CCDC38: variants seen among roughly 807,000 people sequenced by gnomAD.
CCDC38 encodes the protein coiled-coil domain containing 38.
In CCDC38, 69 loss-of-function variants were observed where a neutral mutation model predicts 72.8. The ratio of observed to expected loss-of-function variants is 0.95; its 90% CI spans 0.78 to 1.16. CCDC38 has a LOEUF of 1.16. Among genes scored for constraint, CCDC38 ranks in the 50% most tolerant of loss-of-function variants. The probability of loss-of-function intolerance (pLI) is 0.00; values close to 1 mark genes in which losing one functional copy is unlikely to be tolerated. For synonymous variants in CCDC38, 201 were observed against 213.2 expected, an observed-to-expected ratio of 0.94 and a Z score of 0.50; for missense variants, 626 against 638.9, an observed-to-expected ratio of 0.98 and a Z score of 0.22.
chr12:95,942,856 C>G (rs746300917), upstream of CCDC38: 1 of 153,004 alleles, frequency 6.5e-6, no homozygotes, highest in Non-Finnish European at 1.5e-5. Context: ...TCCAAGCTCC[C>G]GTCCCTGCCC....
At chr12:95,927,518 G>T (rs2136733758) in intron 2 of CCDC38, among the ~76,000 whole-genome samples, 1 of 151,792 alleles carries the variant, frequency 6.6e-6, no homozygotes, top group African/African-American at 2.4e-5. Context: ...CCTTTTAATT[G>T]AAGCATTTAG....
intron 2 of CCDC38, among the ~76,000 whole-genome samples, chr12:95,923,127 C>T (rs2080227026): frequency 6.6e-6 from 1 of 152,104 alleles, no homozygotes; most frequent in Non-Finnish European, 1.5e-5. Context: ...TTCTCCTATG[C>T]TGAGACTGGA....
At chr12:95,885,407 C>G (rs1229844436) in intron 10 of CCDC38, 1 of 172,536 alleles carries the variant, frequency 5.8e-6, no homozygotes, top group East Asian at 1.4e-4. Flanking sequence ...GATAACAACT[C>G]AGAAATTAAA....
At position 95,917,185 on chromosome 12, in the gene CCDC38, C is replaced by A. The variant is rs912236797; in HGVS notation, c.248G>T (p.Gly83Val). Residue 83 changes from glycine (G) to valine (V), a missense_variant, in exon 4 of 16, where the codon GGT becomes GTT. Physicochemically the swap from Gly to Val is moderately radical, Grantham distance 109. Coordinates refer to ENST00000344280, the MANE Select transcript of CCDC38 (RefSeq NM_182496.3). The stretch of plus-strand genomic sequence containing the variant: ...TGGCCCAAACTTTTCAAATGACCTA[C>A]CACTCCTTTTAGGGTAGAAAGCTAG... ...SQLAFYPKRS[G>V]RSFEKFGPGP... The A allele has an allele frequency of 1.2e-6, 2 of 1,607,376 alleles. No homozygotes were observed. Among genetic ancestry groups the A allele is most frequent in the African/African-American group, 2.7e-5 (2 of 74,514 alleles).
At chr12:95,894,817 A>G (rs776321382) in intron 8 of CCDC38, among the ~76,000 whole-genome samples, 172 bp downstream of exon 8, 1 of 152,220 alleles carries the variant, frequency 6.6e-6, no homozygotes, top group African/African-American at 2.4e-5. Flanking sequence ...AAGACACTTT[A>G]TATCTGAAAT....
chr12:95,890,508 A>C (rs1159956960), intron 9 of CCDC38, among the ~76,000 whole-genome samples: 1 of 152,214 alleles, frequency 6.6e-6, no homozygotes, highest in Non-Finnish European at 1.5e-5. Flanking sequence ...GGACCCTGGG[A>C]GTGGGCCTGC....
chr12:95,903,637 A>G lies in CCDC38; in HGVS notation c.369+2750T>C, dbSNP rs77873988. On this transcript the variant is annotated intron_variant, in intron 5 of 15. Coordinates refer to ENST00000344280, the MANE Select transcript of CCDC38 (RefSeq NM_182496.3). Reference sequence around the variant, plus strand: ...ATTGTTGAGTGGTTTTTCTGCATCAATTGGGATAATCATATGGGTTTTCAT... The same window carrying G: ...ATTGTTGAGTGGTTTTTCTGCATCAGTTGGGATAATCATATGGGTTTTCAT... 203 of 534,016 alleles carry G rather than the reference A, an allele frequency of 3.8e-4. 1 individual carries two copies. The highest frequency in any genetic ancestry group is 3.5e-3 in the African/African-American group (183 of 52,662). 33.1% of individuals were successfully genotyped at this position (534,016 alleles called of 1,614,324 possible).
chr12:95,942,681 C>G (rs994348359), upstream of CCDC38: 9 of 152,486 alleles, frequency 5.9e-5, no homozygotes, highest in African/African-American at 2.2e-4. Flanking sequence ...TCCCCACCCC[C>G]AGGTTCCCTC....
Position 95,917,134 on chromosome 12 carries a change from A to G in CCDC38, c.299T>C (p.Ile100Thr). 3 of 1,574,742 alleles carry G rather than the reference A, an allele frequency of 1.9e-6. No individual in the cohort carries two copies. Among genetic ancestry groups the G allele is most frequent in the South Asian group, 1.2e-5 (1 of 83,750 alleles). Reference sequence around the variant, plus strand: ...AAAGAGTAATTTAGACTCACCTTCTATTAATCTAGGAATCGGAGCAGGACC... The same window carrying G: ...AAAGAGTAATTTAGACTCACCTTCTGTTAATCTAGGAATCGGAGCAGGACC... The part of the protein sequence containing the change: ...GPGPAPIPRL[I>T]EGSDTKRTVH... Residue 100 changes from isoleucine to threonine, a missense_variant, in exon 4 of 16, where the codon ATA becomes ACA. Coordinates refer to ENST00000344280, the MANE Select transcript of CCDC38 (RefSeq NM_182496.3).
chr12:95,876,587 G>C lies in CCDC38; in HGVS notation c.1278+1624C>G, dbSNP rs140195871. 5.5e-4 allele frequency among the ~76,000 whole-genome samples: 83 copies of C among 152,166 alleles called. 1 individual carries two copies. In the East Asian group the frequency reaches 0.015, roughly 28 times the overall value. On this transcript the variant is annotated intron_variant, in intron 13 of 15. Transcript: ENST00000344280. ...ACCACAGTTTTAAAAAAAATGGTTA[G>C]AAAAAAACAGCACTGAATTGAAAGG...
In CCDC38 at chr12:95,895,099, C is replaced by A. The variant is rs762838749; in HGVS notation, c.662G>T (p.Gly221Val). Reference sequence around the variant, plus strand: ...TGGAGACATTTGCAGCAGAAAAAAACCATATTTCATATACTCCCTGAGGAG... The same window carrying A: ...TGGAGACATTTGCAGCAGAAAAAAAACATATTTCATATACTCCCTGAGGAG... ...EFLLREYMKYGFFLLQMSPKH... is the reference protein window; with the variant it reads ...EFLLREYMKYVFFLLQMSPKH... The change falls in exon 8 of 16, where the codon GGT becomes GTT. Residue 221 changes from glycine to valine, a missense_variant. By Grantham distance (109) the Gly-to-Val change is moderately radical (BLOSUM62 -3). Coordinates refer to ENST00000344280, the MANE Select transcript of CCDC38 (RefSeq NM_182496.3). 8 of 1,612,622 alleles carry A rather than the reference C, an allele frequency of 5.0e-6. No individual in the cohort carries two copies. Among genetic ancestry groups the A allele is most frequent in the Admixed American group, 3.3e-5 (2 of 59,814 alleles).
chr12:95,930,351 A>C (rs899868351), intron 2 of CCDC38, among the ~76,000 whole-genome samples: 1 of 152,020 alleles, frequency 6.6e-6, no homozygotes, highest in Non-Finnish European at 1.5e-5. Flanking sequence ...AGATGTTAGC[A>C]GTGTTGGTTC....
chr12:95,893,700 C>T (rs980136053), intron 8 of CCDC38, among the ~76,000 whole-genome samples: 5 of 151,868 alleles, frequency 3.3e-5, no homozygotes, highest in African/African-American at 1.2e-4. Context: ...AGGCTGGTCC[C>T]AAACTCCTGG....
chr12:95,882,996 G>A (rs375127581), intron 10 of CCDC38, among the ~76,000 whole-genome samples: 1 of 152,206 alleles, frequency 6.6e-6, no homozygotes, highest in Admixed American at 6.5e-5. Context: ...CAGTTGCCAT[G>A]CTAGAAATCT....
chr12:95,914,407 C>T (rs187939560), intron 4 of CCDC38, among the ~76,000 whole-genome samples: 1 of 152,262 alleles, frequency 6.6e-6, no homozygotes, highest in African/African-American at 2.4e-5. Context: ...TATAATGTTC[C>T]CTGTGTACCT....
chr12:95,907,502 GC>G (rs1156906924), intron 4 of CCDC38, among the ~76,000 whole-genome samples: 2 of 87,366 alleles, frequency 2.3e-5, no homozygotes, highest in Non-Finnish European at 2.1e-5. Context: ...GGGCAGAGGG[GC>G]TCCTCACTTC....
rs533053109 is a variant in CCDC38 at position 95,877,788 on chromosome 12, CT to C, written c.1278+422del. ...TATGCAGGCCTGAAGAGGCAAAAAT[CT>C]AGTACAGGCTCAGTGTTGGGAAAAT... On this transcript the variant is annotated intron_variant, in intron 13 of 15. Transcript: ENST00000344280. 6.6e-5 allele frequency among the ~76,000 whole-genome samples: 10 copies of C among 152,268 alleles called. No individual in the cohort carries two copies. The South Asian group carries it at 2.1e-3, about 32-fold the overall frequency.
intron 2 of CCDC38, among the ~76,000 whole-genome samples, chr12:95,926,987 A>G (rs2080278441): frequency 1.3e-5 from 2 of 152,110 alleles, no homozygotes; most frequent in South Asian, 2.1e-4. Context: ...TGGAACAGGT[A>G]TGGTGTGGTA....
rs1295480188 is a variant in CCDC38, at chr12:95,895,114, TC to T, written c.646del (p.Glu216SerfsTer3). On this transcript the variant is annotated frameshift_variant, in exon 8 of 16. Coordinates refer to ENST00000344280, the MANE Select transcript of CCDC38 (RefSeq NM_182496.3). LOFTEE classifies it high-confidence loss of function. ...EIAKTEFLLREYMKYGFFLLQ... is the reference protein window; with the variant it reads ...EIAKTEFLLRXYMKYGFFLLQ... ...CAGAAAAAAACCATATTTCATATAC[TC>T]CCTGAGGAGGAATTCTGTTTTTGCT... 6.2e-7 allele frequency: 1 copy of T among 1,610,230 alleles called. No homozygotes were observed. The highest frequency in any genetic ancestry group is 8.5e-7 in the Non-Finnish European group (1 of 1,178,878).
Sources: gnomAD v4.1 joint callset for allele counts (sites outside exome capture counted in the v4.1 genomes callset) on GRCh38, gnomAD v4.1.1 for gene constraint, MANE v1.5 for transcripts, NCBI Gene and HGNC (gene_info 2026-07-23, HGNC 2026-07-21) for gene names.